Variants in SHISA9 observed in about 807,000 individuals in gnomAD.
The protein encoded by SHISA9 is protein shisa-9.
Under a neutral mutation model 38.0 loss-of-function variants are expected in SHISA9, and 13 were observed. The observed-to-expected ratio is 0.34, with a 90% CI of 0.22 to 0.54. The LOEUF (loss-of-function observed/expected upper bound fraction) is 0.54. Ranked by LOEUF, SHISA9 falls within the 20% of genes least tolerant of loss-of-function variation. SHISA9 has a pLI of 0.91. For missense variants in SHISA9, 538 were observed against 575.8 expected, an observed-to-expected ratio of 0.93 and a Z score of 0.67; for synonymous variants, 275 against 242.0, an observed-to-expected ratio of 1.14 and a Z score of -1.27.
the SHISA9 span, among the ~76,000 whole-genome samples, chr16:13,425,847 C>G: frequency 6.6e-6 from 1 of 152,044 alleles, no homozygotes; most frequent in Non-Finnish European, 1.5e-5. Flanking sequence ...AGAGAAGATC[C>G]CCAAGCCACA....
At chr16:13,389,043 G>T in the SHISA9 span, among the ~76,000 whole-genome samples, 4,634 of 152,100 alleles carry the variant, frequency 0.03, 177 homozygotes, top group East Asian at 0.2. Context: ...CCACCAGAGC[G>T]GCACGTCTGC....
the SHISA9 span, chr16:13,458,374 A>C: frequency 2.7e-6 from 1 of 373,674 alleles, no homozygotes; most frequent in Non-Finnish European, 5.2e-6. Context: ...TGTATCAGCA[A>C]ATGGAAGCAA....
At chr16:13,490,652 C>T in the SHISA9 span, among the ~76,000 whole-genome samples, 3 of 152,182 alleles carry the variant, frequency 2.0e-5, no homozygotes, top group African/African-American at 7.2e-5. Context: ...GACAGGCTTT[C>T]TGATTCTCTG....
chr16:12,985,105 C>G (rs1045726749), intron 2 of SHISA9, among the ~76,000 whole-genome samples: 1 of 152,082 alleles, frequency 6.6e-6, no homozygotes, highest in East Asian at 1.9e-4. Flanking sequence ...CACATTAATC[C>G]TCATCTCAGG....
At chr16:13,133,446 A>G (rs2050322377) in intron 2 of SHISA9, among the ~76,000 whole-genome samples, 2 of 152,172 alleles carry the variant, frequency 1.3e-5, no homozygotes, top group Admixed American at 6.6e-5. Context: ...GTCTTTATCA[A>G]TTCAGGTTCC....
intron 2 of SHISA9, among the ~76,000 whole-genome samples, chr16:13,167,102 C>T (rs1400617112): frequency 5.4e-5 from 6 of 110,658 alleles, no homozygotes; most frequent in South Asian, 2.9e-4. Context: ...GACAGAGTTT[C>T]GCTCTTGTTG....
chr16:12,924,394 T>C (rs560973635), intron 2 of SHISA9, among the ~76,000 whole-genome samples: 12 of 152,204 alleles, frequency 7.9e-5, no homozygotes, highest in South Asian at 2.1e-4. Flanking sequence ...AAAAGCCCAG[T>C]GAAACTCTAG....
the SHISA9 span, among the ~76,000 whole-genome samples, chr16:13,556,838 T>A: frequency 2.6e-5 from 4 of 152,018 alleles, no homozygotes; most frequent in Non-Finnish European, 5.9e-5. Flanking sequence ...ATAAAAAGAC[T>A]TGTGTAGCAT....
intron 2 of SHISA9, among the ~76,000 whole-genome samples, chr16:13,078,041 T>C (rs773552039): frequency 1.3e-5 from 2 of 152,170 alleles, no homozygotes; most frequent in African/African-American, 4.8e-5. Context: ...ACCACAGTGA[T>C]AATAATAAAC....
intron 2 of SHISA9, among the ~76,000 whole-genome samples, chr16:12,938,670 T>C (rs1311143085): frequency 1.3e-5 from 2 of 151,762 alleles, no homozygotes; most frequent in Admixed American, 1.3e-4. Flanking sequence ...GCTAATTTTT[T>C]TTTTGTATTT....
At chr16:13,425,222 G>A in the SHISA9 span, among the ~76,000 whole-genome samples, 7 of 152,338 alleles carry the variant, frequency 4.6e-5, no homozygotes, top group African/African-American at 1.4e-4. Flanking sequence ...GGCTGCGTGC[G>A]GTGGCTCACA....
At chr16:13,310,465 G>T in the SHISA9 span, among the ~76,000 whole-genome samples, 1 of 152,024 alleles carries the variant, frequency 6.6e-6, no homozygotes, top group Non-Finnish European at 1.5e-5. Context: ...TCAACCTACA[G>T]AATTGCTATC....
the SHISA9 span, among the ~76,000 whole-genome samples, chr16:13,541,124 C>T: frequency 4.6e-4 from 70 of 152,294 alleles, no homozygotes; most frequent in African/African-American, 1.5e-3. Context: ...TGTGTTTCCC[C>T]CTCCTGGCTG....
intron 2 of SHISA9, among the ~76,000 whole-genome samples, chr16:12,924,689 G>A (rs1437570364): frequency 3.3e-5 from 5 of 152,232 alleles, no homozygotes; most frequent in African/African-American, 1.2e-4. Flanking sequence ...GAGTTTGATT[G>A]TTTTAGATCA....
At chr16:13,490,886 G>C in the SHISA9 span, among the ~76,000 whole-genome samples, 322 of 152,248 alleles carry the variant, frequency 2.1e-3, 1 homozygote, top group Non-Finnish European at 3.3e-3. Flanking sequence ...TTCACTATTT[G>C]GGAGAGGGAA....
At chr16:13,275,716 A>G in the SHISA9 span, among the ~76,000 whole-genome samples, 336 of 152,024 alleles carry the variant, frequency 2.2e-3, 2 homozygotes, top group Middle Eastern at 0.01. Context: ...TTGGCTTTTC[A>G]TCTTGTTTGT....
chr16:12,916,452 T>A (rs898633392), intron 1 of SHISA9, among the ~76,000 whole-genome samples: 1 of 152,210 alleles, frequency 6.6e-6, no homozygotes, highest in East Asian at 1.9e-4. Context: ...TAGATAGTCC[T>A]GTTATTACAT....
chr16:13,497,351 T>C, the SHISA9 span, among the ~76,000 whole-genome samples: 2 of 152,086 alleles, frequency 1.3e-5, no homozygotes, highest in Admixed American at 6.6e-5. Flanking sequence ...CAAATCTGTC[T>C]AAAAGCAACC....
the SHISA9 span, among the ~76,000 whole-genome samples, chr16:13,390,268 C>T: frequency 7.2e-5 from 11 of 152,210 alleles, no homozygotes; most frequent in South Asian, 2.1e-3. Context: ...TAAGTCACGC[C>T]AGAACCAAAC....
Sources: allele counts gnomAD v4.1 joint callset (sites outside exome capture counted in the v4.1 genomes callset), GRCh38; gene constraint gnomAD v4.1.1; transcripts MANE v1.5; gene names NCBI Gene and HGNC (gene_info 2026-07-23, HGNC 2026-07-21).